Variants in DNAH6 observed in about 807,000 individuals in gnomAD.
DNAH6 encodes axonemal beta dynein heavy chain 6.
A neutral mutation model predicts 491.4 loss-of-function variants in DNAH6; 340 were observed. The ratio of observed to expected loss-of-function variants is 0.69; its 90% confidence interval spans 0.63 to 0.76. DNAH6 has a LOEUF of 0.76. Ranked by LOEUF, DNAH6 falls within the 30% of genes least tolerant of loss-of-function variation. The pLI is 0.00. For synonymous variants in DNAH6, 1,603 were observed against 1,686.1 expected (o/e 0.95, Z 1.21); for missense variants, 4,443 against 4,972.2 (o/e 0.89, Z 3.20).
intron 33 of DNAH6, 54 bp from the exon 34 acceptor site, chr2:84,653,265 G>A (rs759602447): frequency 5.6e-5 from 74 of 1,324,660 alleles, no homozygotes; most frequent in Non-Finnish European, 6.9e-5. Flanking sequence ...TAACAAATAC[G>A]GGAAAATATC....
intron 47 of DNAH6, among the ~76,000 whole-genome samples, chr2:84,699,067 C>CCTATTGGATA (rs1695639977): frequency 6.6e-6 from 1 of 152,112 alleles, no homozygotes; most frequent in Non-Finnish European, 1.5e-5. Context: ...TGAAAAACTA[C>CCTATTGGATA]CTATTGGATA....
intron 33 of DNAH6, among the ~76,000 whole-genome samples, chr2:84,648,745 G>T (rs1322948394): frequency 6.6e-6 from 1 of 152,332 alleles, no homozygotes; most frequent in Non-Finnish European, 1.5e-5. Flanking sequence ...CCTGAGATGG[G>T]ATCTATTCCT....
rs1275551846 is a variant in DNAH6, at chr2:84,709,560, G to A, written c.9252+14G>A. On this transcript the variant is annotated intron_variant, in intron 55 of 76. Coordinates refer to ENST00000389394, the MANE Select transcript of DNAH6 (RefSeq NM_001370.2). Reference sequence around the variant, plus strand: ...CCCCAAGATCAGGTGTGTAGCAAATGCTTAAGAGAGTGGCTTTTGGTTCTG... The same window carrying A: ...CCCCAAGATCAGGTGTGTAGCAAATACTTAAGAGAGTGGCTTTTGGTTCTG... 1 of 1,550,756 alleles carries A rather than the reference G, an allele frequency of 6.4e-7. No individual in the cohort carries two copies. Among genetic ancestry groups the A allele is most frequent in the African/African-American group, 1.4e-5 (1 of 73,018 alleles).
intron 33 of DNAH6, among the ~76,000 whole-genome samples, chr2:84,649,370 A>T (rs1414815805): frequency 6.6e-6 from 1 of 152,124 alleles, no homozygotes; most frequent in African/African-American, 2.4e-5. Flanking sequence ...TCATTTTATC[A>T]TGTTCTTTCT....
the DNAH6 span, among the ~76,000 whole-genome samples, chr2:84,508,278 C>T: frequency 1.4e-4 from 21 of 152,268 alleles, no homozygotes; most frequent in African/African-American, 5.1e-4. Flanking sequence ...ATTCAACTTC[C>T]TCCAGGTTTA....
intron 2 of DNAH6, among the ~76,000 whole-genome samples, chr2:84,524,970 C>A (rs539816038): frequency 6.6e-6 from 1 of 152,052 alleles, no homozygotes; most frequent in East Asian, 1.9e-4. Flanking sequence ...GTTTCCTTTA[C>A]TTAATCTCAA....
chr2:84,603,309 G>A (rs1685444985), intron 18 of DNAH6, among the ~76,000 whole-genome samples: 1 of 152,048 alleles, frequency 6.6e-6, no homozygotes, highest in Admixed American at 6.5e-5. Context: ...AGGTTTAAGG[G>A]TTGATGTTGC....
At chr2:84,689,105 G>T (rs559501699) in intron 45 of DNAH6, among the ~76,000 whole-genome samples, 1 of 152,312 alleles carries the variant, frequency 6.6e-6, no homozygotes, top group East Asian at 1.9e-4. Flanking sequence ...AGTGGCTCCT[G>T]TCCTGTTTGA....
chr2:84,738,767 G>A (rs1361060108), intron 62 of DNAH6, among the ~76,000 whole-genome samples: 1 of 152,066 alleles, frequency 6.6e-6, no homozygotes, highest in Admixed American at 6.5e-5. Flanking sequence ...GAAGAAGAAT[G>A]GGTCTTGTTT....
intron 64 of DNAH6, among the ~76,000 whole-genome samples, chr2:84,766,106 A>G (rs923313141): frequency 2.0e-5 from 3 of 152,152 alleles, no homozygotes; most frequent in African/African-American, 7.2e-5. Flanking sequence ...AAATTGATAA[A>G]TCAACATTAA....
In DNAH6 at chr2:84,745,170, C is replaced by T. The variant is rs1419763860; in HGVS notation, c.10433C>T (p.Ala3478Val). ...EDKHMRQEKE[A>V]AHQDPWSAGL... ...AAACACATGAGACAGGAAAAGGAGG[C>T]AGCACACCAAGATCCATGGAGTGCA... Residue 3478 changes from alanine (A) to valine (V), a missense_variant, in exon 63 of 77, where the codon GCA (alanine) becomes GTA (valine). By Grantham distance (64) the Ala-to-Val change is moderately conservative. This residue lies in a region of DNAH6 where 1,463 missense variants were observed against 1,656.6 expected (regional missense o/e 0.88). Transcript: ENST00000389394. 1.3e-6 allele frequency: 2 copies of T among 1,549,638 alleles called. No individual in the cohort carries two copies. Among genetic ancestry groups the T allele is most frequent in the Non-Finnish European group, 1.7e-6 (2 of 1,146,026 alleles).
intron 63 of DNAH6, among the ~76,000 whole-genome samples, chr2:84,761,830 G>C (rs1237915375): frequency 6.9e-6 from 1 of 144,842 alleles, no homozygotes; most frequent in Non-Finnish European, 1.5e-5. Context: ...ACAGAATAAG[G>C]CTTGTTTGGA....
intron 62 of DNAH6, among the ~76,000 whole-genome samples, chr2:84,737,577 T>C (rs1034211585): frequency 3.6e-4 from 54 of 152,044 alleles, no homozygotes; most frequent in African/African-American, 1.3e-3. Flanking sequence ...TTTCCAGGAA[T>C]TGATCCATTT....
rs543807673 is a variant in DNAH6, at chr2:84,678,161, T to C, written c.6744+1025T>C. Among the ~76,000 whole-genome samples, 34 of 152,352 alleles carry C rather than the reference T, an allele frequency of 2.2e-4. 1 individual carries two copies. Among genetic ancestry groups the C allele is most frequent in the Non-Finnish European group, 4.7e-4 (32 of 68,030 alleles). On this transcript the variant is annotated intron_variant, in intron 41 of 76. Transcript: ENST00000389394. Reference sequence around the variant, plus strand: ...CTGTGGGAAATTATTTTTAATAAATTGAAGTAGTTCCAATAAGCTGTTTAG... The same window carrying C: ...CTGTGGGAAATTATTTTTAATAAATCGAAGTAGTTCCAATAAGCTGTTTAG...
intron 33 of DNAH6, 41 bp downstream of exon 33, chr2:84,642,095 G>A (rs1037225238): frequency 2.9e-5 from 38 of 1,304,976 alleles, no homozygotes; most frequent in Admixed American, 1.0e-4. Flanking sequence ...TGGCTATCAC[G>A]TAGAGGCAAA....
intron 15 of DNAH6, among the ~76,000 whole-genome samples, chr2:84,585,970 C>T (rs902319202): frequency 2.0e-5 from 3 of 152,188 alleles, no homozygotes; most frequent in African/African-American, 7.2e-5. Flanking sequence ...CGGGGACCCA[C>T]CCCCTTCCAT....
chr2:84,801,958 C>T (rs1408978744), intron 70 of DNAH6, among the ~76,000 whole-genome samples: 1 of 151,256 alleles, frequency 6.6e-6, no homozygotes, highest in Admixed American at 6.6e-5. Flanking sequence ...TCCTGCCAAA[C>T]TAAGCCTTAT....
the DNAH6 span, among the ~76,000 whole-genome samples, chr2:84,510,858 G>A: frequency 2.0e-5 from 3 of 152,274 alleles, no homozygotes; most frequent in East Asian, 3.9e-4. Context: ...CTGTTTGCCT[G>A]GGTATCAGCA....
chr2:84,581,628 C>T (rs987216217), intron 14 of DNAH6, among the ~76,000 whole-genome samples: 8 of 151,956 alleles, frequency 5.3e-5, no homozygotes, highest in African/African-American at 1.9e-4. Context: ...GAGGGAAAGC[C>T]ATGTGCAAAA....
Sources: gnomAD v4.1 joint callset for allele counts (sites outside exome capture counted in the v4.1 genomes callset) on GRCh38, gnomAD v4.1.1 for gene constraint, gnomAD v4.1.1 regional missense constraint, MANE v1.5 for transcripts, NCBI Gene and HGNC (gene_info 2026-07-23, HGNC 2026-07-21) for gene names.